The following SNX8 variants were observed in gnomAD, a reference collection of about 807,000 sequenced individuals.
The protein encoded by SNX8 is sorting nexin 8.
In SNX8, 25 loss-of-function variants were observed where a neutral mutation model predicts 51.6. The observed-to-expected ratio is 0.48, with a 90% confidence interval of 0.35 to 0.68. The LOEUF (loss-of-function observed/expected upper bound fraction) is 0.68. Ranked by LOEUF, SNX8 falls within the 30% of genes least tolerant of loss-of-function variation. The pLI is 0.00. For missense variants in SNX8, 695 were observed against 624.0 expected, an observed-to-expected ratio of 1.11 and a Z score of -1.21; for synonymous variants, 324 against 277.0, an observed-to-expected ratio of 1.17 and a Z score of -1.68.
At chr7:2,319,125 G>A (rs1264438312), upstream of SNX8, among the ~76,000 whole-genome samples, 1 of 151,546 alleles carries the variant, frequency 6.6e-6, no homozygotes. Flanking sequence ...GATCACCTGA[G>A]TTCAGAAGTT....
intron 1 of SNX8, among the ~76,000 whole-genome samples, chr7:2,352,968 G>C (rs1285849776): frequency 6.6e-6 from 1 of 152,148 alleles, no homozygotes; most frequent in Non-Finnish European, 1.5e-5. Flanking sequence ...CTAGGCATGG[G>C]AAGACTCTGC....
chr7:2,273,337 C>T (rs1795693092), intron 3 of SNX8, among the ~76,000 whole-genome samples: 1 of 151,858 alleles, frequency 6.6e-6, no homozygotes, highest in Non-Finnish European at 1.5e-5. Context: ...GTAATCCCAG[C>T]ACTTTGGGAG....
intron 1 of SNX8, among the ~76,000 whole-genome samples, chr7:2,313,867 A>G (rs1796708297): frequency 1.3e-5 from 2 of 152,184 alleles, no homozygotes; most frequent in East Asian, 1.9e-4. Flanking sequence ...TACTGGCCCA[A>G]GACCACACAA....
chr7:2,350,406 A>G (rs1012708221), intron 1 of SNX8, among the ~76,000 whole-genome samples: 6 of 152,374 alleles, frequency 3.9e-5, no homozygotes, highest in African/African-American at 9.6e-5. Flanking sequence ...GTTAATATCA[A>G]TAGAAATGCA....
intron 5 of SNX8, 127 bp downstream of exon 5, chr7:2,269,432 A>G (rs1241473315): frequency 2.2e-6 from 1 of 460,454 alleles, no homozygotes; most frequent in South Asian, 2.8e-5. Flanking sequence ...TCACTTGTTT[A>G]TCTGCTGACC....
chr7:2,267,853 AT>A (rs1358703613), intron 5 of SNX8, among the ~76,000 whole-genome samples: 1 of 98,368 alleles, frequency 1.0e-5, no homozygotes, highest in Non-Finnish European at 2.0e-5. Context: ...CCGCCATCCC[AT>A]CTAGGAAGTG....
At chr7:2,350,267 T>C (rs1411628841) in intron 1 of SNX8, among the ~76,000 whole-genome samples, 2 of 152,192 alleles carry the variant, frequency 1.3e-5, no homozygotes, top group Non-Finnish European at 2.9e-5. Context: ...TGAGGCTCTC[T>C]TGATAGCAAG....
intron 7 of SNX8, among the ~76,000 whole-genome samples, chr7:2,261,832 C>T (rs1002734146): frequency 2.0e-5 from 3 of 152,224 alleles, no homozygotes; most frequent in Admixed American, 6.5e-5. Flanking sequence ...GGCACCTGAG[C>T]GCCCCGTTTC....
intron 1 of SNX8, among the ~76,000 whole-genome samples, chr7:2,281,663 G>A (rs1341958895): frequency 1.3e-5 from 2 of 152,128 alleles, no homozygotes; most frequent in Non-Finnish European, 2.9e-5. Context: ...GTCCCACAGA[G>A]AGAAAACAGA....
In SNX8 at chr7:2,320,585, G is replaced by A. The variant is rs188960502; in HGVS notation, c.-66+33637C>T. 1.3e-4 allele frequency among the ~76,000 whole-genome samples: 20 copies of A among 152,084 alleles called. No homozygotes were observed. The East Asian group carries it at 3.1e-3, about 24-fold the overall frequency. On this transcript the variant is annotated intron_variant, in intron 1 of 5. Coordinates refer to the SNX8 transcript ENST00000435336. The stretch of plus-strand genomic sequence containing the variant: ...AAATACAAACAAAAAAATTAGCCTG[G>A]TGGTGGTGTGTTCCTGTAGTCCCAG...
At chr7:2,349,509 C>T (rs924987064) in intron 1 of SNX8, among the ~76,000 whole-genome samples, 1 of 146,514 alleles carries the variant, frequency 6.8e-6, no homozygotes, top group Non-Finnish European at 1.5e-5. Flanking sequence ...GGTGTGATCT[C>T]GGCTCACTGC....
chr7:2,269,432 A>C (rs1241473315), intron 5 of SNX8, 127 bp downstream of exon 5: 39 of 460,338 alleles, frequency 8.5e-5, no homozygotes, highest in Non-Finnish European at 1.4e-4. Flanking sequence ...TCACTTGTTT[A>C]TCTGCTGACC....
intron 1 of SNX8, among the ~76,000 whole-genome samples, chr7:2,332,705 G>A (rs1490346124): frequency 6.7e-6 from 1 of 150,052 alleles, no homozygotes; most frequent in African/African-American, 2.5e-5. Flanking sequence ...AGCTATAATG[G>A]GACCACTGTA....
At chr7:2,274,000 T>C (rs952407143) in intron 3 of SNX8, among the ~76,000 whole-genome samples, 2 of 152,104 alleles carry the variant, frequency 1.3e-5, no homozygotes, top group African/African-American at 2.4e-5. Flanking sequence ...CCTCTTCCGA[T>C]GAGGCTGCAC....
intron 1 of SNX8, among the ~76,000 whole-genome samples, chr7:2,339,923 A>G (rs1416367810): frequency 2.0e-5 from 3 of 152,184 alleles, no homozygotes; most frequent in Non-Finnish European, 4.4e-5. Context: ...TCACTGGGAA[A>G]CACCATTTAT....
intron 1 of SNX8, among the ~76,000 whole-genome samples, chr7:2,311,832 G>T (rs1796663685): frequency 6.6e-6 from 1 of 151,736 alleles, no homozygotes; most frequent in African/African-American, 2.4e-5. Context: ...AGCTACTCGG[G>T]AGGCTGAGGC....
chr7:2,295,268 G>T (rs2115174143), intron 1 of SNX8, among the ~76,000 whole-genome samples: 2 of 151,928 alleles, frequency 1.3e-5, no homozygotes, highest in Middle Eastern at 6.8e-3. Flanking sequence ...GCCAAGTGTG[G>T]TGGCACGTGC....
intron 7 of SNX8, among the ~76,000 whole-genome samples, chr7:2,258,961 C>T (rs1795268953): frequency 2.0e-5 from 3 of 152,132 alleles, no homozygotes; most frequent in Admixed American, 1.3e-4. Flanking sequence ...CCCCCACGGG[C>T]GAACCCCACC....
chr7:2,343,207 A>G (rs921409547), intron 1 of SNX8, among the ~76,000 whole-genome samples: 10 of 152,000 alleles, frequency 6.6e-5, no homozygotes, highest in African/African-American at 2.4e-4. Flanking sequence ...CTGGGATTAC[A>G]GGCATGAGCC....
Sources: allele counts gnomAD v4.1 joint callset (sites outside exome capture counted in the v4.1 genomes callset), GRCh38; gene constraint gnomAD v4.1.1; transcripts MANE v1.5; gene names NCBI Gene and HGNC (gene_info 2026-07-23, HGNC 2026-07-21).